The following FRMD5 variants were observed in gnomAD, a reference collection of about 807,000 sequenced individuals.
The protein encoded by FRMD5 is FERM domain containing 5.
FRMD5 carries 20 observed loss-of-function variants against 69.0 expected under a neutral mutation model. The ratio of observed to expected loss-of-function variants is 0.29; its 90% CI spans 0.20 to 0.42. The LOEUF is 0.42. Among genes scored for constraint, FRMD5 ranks in the 10% least tolerant of loss-of-function variants. FRMD5 has a pLI of 1.00. For missense variants in FRMD5, 595 were observed against 708.6 expected, an observed-to-expected ratio of 0.84 and a Z score of 1.82; for synonymous variants, 271 against 260.1, an observed-to-expected ratio of 1.04 and a Z score of -0.40.
At chr15:44,081,370 C>G (rs1893990299) in intron 1 of FRMD5, among the ~76,000 whole-genome samples, 1 of 152,086 alleles carries the variant, frequency 6.6e-6, no homozygotes. Flanking sequence ...TGTGTTACCA[C>G]AAAGTTCTCT....
At chr15:44,073,856 T>C (rs1893643855) in intron 1 of FRMD5, among the ~76,000 whole-genome samples, 1 of 152,222 alleles carries the variant, frequency 6.6e-6, no homozygotes, top group African/African-American at 2.4e-5. Context: ...AACATTGGTA[T>C]GAACTGTGAG....
intron 1 of FRMD5, among the ~76,000 whole-genome samples, chr15:44,114,305 T>C (rs1348440180): frequency 6.6e-6 from 1 of 152,216 alleles, no homozygotes; most frequent in East Asian, 1.9e-4. Flanking sequence ...TTTTGTACTA[T>C]AAAGCAAACT....
intron 1 of FRMD5, among the ~76,000 whole-genome samples, chr15:44,182,360 C>T (rs1363885279): frequency 3.8e-5 from 5 of 130,192 alleles, no homozygotes; most frequent in South Asian, 2.4e-4. Context: ...GACGGAGTCT[C>T]GCTCTGTCAC....
chr15:43,920,767 A>G lies in FRMD5; in HGVS notation c.208-958T>C, dbSNP rs376540713. On this transcript the variant is annotated intron_variant, in intron 2 of 13. Transcript: ENST00000417257. ...TCACCAGTGCCTAGCACAGTGTTCA[A>G]TAGGTAGCTGCTGAATGGCAAAGGG... is the stretch of plus-strand genomic sequence containing the variant. Among the ~76,000 whole-genome samples, 4 of 152,324 alleles carry G rather than the reference A, an allele frequency of 2.6e-5. No individual in the cohort carries two copies. In the South Asian group the frequency reaches 6.2e-4, roughly 24 times the overall value.
At chr15:44,048,758 A>C (rs955603602) in intron 1 of FRMD5, among the ~76,000 whole-genome samples, 4 of 152,008 alleles carry the variant, frequency 2.6e-5, no homozygotes, top group Admixed American at 6.6e-5. Context: ...TTTTTAGTAG[A>C]GACAGGGTTT....
At position 43,873,863 on chromosome 15, in the gene FRMD5, T is replaced by G. The variant is rs1270648906; in HGVS notation, c.*22A>C. ...GGGTTCCTTGGTCCACCTGGCTAGT[T>G]TTTGGGAGGAGTCATGCCTTCTCAG... On this transcript the variant is annotated 3_prime_UTR_variant, in exon 14 of 14. Coordinates refer to ENST00000417257, the MANE Select transcript of FRMD5 (RefSeq NM_032892.5). The G allele has an allele frequency of 6.2e-7, 1 of 1,609,908 alleles. No homozygotes were observed.
chr15:43,943,245 A>G (rs2089891348), intron 1 of FRMD5, among the ~76,000 whole-genome samples: 1 of 152,192 alleles, frequency 6.6e-6, no homozygotes, highest in Non-Finnish European at 1.5e-5. Context: ...TGTATCTCAA[A>G]AAAAAAGAAA....
At chr15:43,880,414 G>A (rs1274597030) in intron 13 of FRMD5, among the ~76,000 whole-genome samples, 1 of 152,156 alleles carries the variant, frequency 6.6e-6, no homozygotes. Flanking sequence ...AGCAGTGCCT[G>A]TCAGGACCTT....
chr15:44,182,175 TAA>T (rs1218019176), intron 1 of FRMD5, among the ~76,000 whole-genome samples: 1 of 150,926 alleles, frequency 6.6e-6, no homozygotes, highest in Non-Finnish European at 1.5e-5. Flanking sequence ...CATGCCTGGC[TAA>T]GTTTTATATT....
At chr15:44,116,665 C>G (rs993450570) in intron 1 of FRMD5, among the ~76,000 whole-genome samples, 1 of 152,170 alleles carries the variant, frequency 6.6e-6, no homozygotes, top group Non-Finnish European at 1.5e-5. Context: ...CTCCTTTATG[C>G]CCCTCGCTCC....
At chr15:43,919,177 A>T in intron 4 of FRMD5, 1 of 534,436 alleles carries the variant, frequency 1.9e-6, no homozygotes, top group Non-Finnish European at 3.6e-6. Flanking sequence ...GGTAAAAGAA[A>T]AGACGCTTCT....
At chr15:44,193,280 ATAAAGTC>A (rs771865535) in intron 1 of FRMD5, among the ~76,000 whole-genome samples, 2 of 152,148 alleles carry the variant, frequency 1.3e-5, no homozygotes, top group African/African-American at 2.4e-5. Context: ...CTTAGGACTT[ATAAAGTC>A]TAAATCTCAC....
chr15:44,092,706 A>G (rs1229297134), intron 1 of FRMD5, among the ~76,000 whole-genome samples: 1 of 151,906 alleles, frequency 6.6e-6, no homozygotes, highest in African/African-American at 2.4e-5. Context: ...TGCTACAACC[A>G]TGCTATTTTT....
intron 1 of FRMD5, 124 bp from the exon 2 acceptor site, chr15:43,924,433 A>G: frequency 1.5e-6 from 1 of 669,410 alleles, no homozygotes; most frequent in South Asian, 1.8e-5. Context: ...GTGAATGTCC[A>G]TAACTATGTC....
At chr15:44,110,613 A>C (rs922977169) in intron 1 of FRMD5, among the ~76,000 whole-genome samples, 1 of 152,194 alleles carries the variant, frequency 6.6e-6, no homozygotes, top group South Asian at 2.1e-4. Flanking sequence ...CTCTCTTAAC[A>C]CAGAAAAAGT....
intron 1 of FRMD5, among the ~76,000 whole-genome samples, chr15:44,151,704 G>C (rs187468231): frequency 2.6e-4 from 40 of 152,050 alleles, no homozygotes; most frequent in African/African-American, 8.7e-4. Flanking sequence ...ATGATTTTCT[G>C]GATATGAGAA....
intron 13 of FRMD5, among the ~76,000 whole-genome samples, chr15:43,881,146 ACATCCTG>A (rs1478110467): frequency 6.6e-6 from 1 of 152,100 alleles, no homozygotes; most frequent in African/African-American, 2.4e-5. Context: ...CTCCTGTTTT[ACATCCTG>A]CATGGTGCTA....
Position 43,874,345 on chromosome 15 carries a change from A to C in FRMD5, c.1253T>G (p.Val418Gly), listed in dbSNP as rs760231276. 6.2e-7 allele frequency: 1 copy of C among 1,614,046 alleles called. No individual in the cohort carries two copies. The highest frequency in any genetic ancestry group is 1.3e-5 in the African/African-American group (1 of 74,924). ...AGGGCTGTAGGCCTCGTCTGCAATC[A>C]CAGCTACTCGCTCATTGCTATCTGT... is the stretch of plus-strand genomic sequence containing the variant. ...SRTDSNERVAVIADEAYSPAD... is the reference protein window; with the variant it reads ...SRTDSNERVAGIADEAYSPAD... The change falls in exon 14 of 14, where the codon GTG (valine) becomes GGG (glycine). Residue 418 changes from valine (V) to glycine (G), a missense_variant. Val to Gly is a moderately radical substitution (Grantham distance 109, BLOSUM62 -3). Around this residue, in one of 5 missense-constraint regions of FRMD5, gnomAD observed 245 missense variants for 227.1 expected, o/e 1.08. Coordinates refer to ENST00000417257, the MANE Select transcript of FRMD5 (RefSeq NM_032892.5).
intron 6 of FRMD5, 142 bp downstream of exon 6, chr15:43,905,686 G>A (rs2089154010): frequency 9.9e-7 from 1 of 1,013,742 alleles, no homozygotes; most frequent in South Asian, 1.5e-5. Flanking sequence ...CACTGACAAT[G>A]GTACATCCGC....
Sources: gnomAD v4.1 joint callset for allele counts (sites outside exome capture counted in the v4.1 genomes callset) on GRCh38, gnomAD v4.1.1 for gene constraint, gnomAD v4.1.1 regional missense constraint, MANE v1.5 for transcripts, NCBI Gene and HGNC (gene_info 2026-07-23, HGNC 2026-07-21) for gene names.